Variants in PRKD1 observed in about 807,000 individuals in gnomAD.
PRKD1 encodes serine/threonine-protein kinase D1.
PRKD1 carries 63 observed loss-of-function variants against 95.9 expected under a neutral mutation model. The observed-to-expected ratio is 0.66, with a 90% confidence interval of 0.54 to 0.81. The LOEUF (loss-of-function observed/expected upper bound fraction) is 0.81, where lower values mean the gene tolerates loss of function less well. Among genes scored for constraint, PRKD1 ranks in the 30% least tolerant of loss-of-function variants. The pLI is 0.00. For missense variants in PRKD1, 1,048 were observed against 1,165.3 expected (o/e 0.90, Z 1.47); for synonymous variants, 425 against 423.1 (o/e 1.00, Z -0.05).
chr14:29,608,610 C>A (rs1187044573), intron 13 of PRKD1, among the ~76,000 whole-genome samples: 2 of 152,216 alleles, frequency 1.3e-5, no homozygotes, highest in Non-Finnish European at 2.9e-5. Context: ...ATATAACTTA[C>A]TTATGAAGAT....
chr14:29,834,054 T>G (rs1388482159), intron 1 of PRKD1, among the ~76,000 whole-genome samples: 1 of 152,146 alleles, frequency 6.6e-6, no homozygotes, highest in Non-Finnish European at 1.5e-5. Context: ...AAGAGACTTA[T>G]TCCTCCTTTA....
At chr14:29,742,969 A>G (rs1020486590) in intron 1 of PRKD1, among the ~76,000 whole-genome samples, 1 of 152,200 alleles carries the variant, frequency 6.6e-6, no homozygotes, top group Non-Finnish European at 1.5e-5. Flanking sequence ...CTTGAGTTTC[A>G]TGGGATTGTC....
chr14:29,882,204 T>C (rs1349774409), intron 1 of PRKD1, among the ~76,000 whole-genome samples: 2 of 152,250 alleles, frequency 1.3e-5, no homozygotes, highest in African/African-American at 2.4e-5. Flanking sequence ...GTGATTTCAG[T>C]ATATTAGTTA....
chr14:29,922,784 G>A (rs113583520), intron 1 of PRKD1, among the ~76,000 whole-genome samples: 1,533 of 152,260 alleles, frequency 0.01, 21 homozygotes, highest in African/African-American at 0.035. Flanking sequence ...CACTTGGGAC[G>A]CTGTGGCAGG....
At chr14:29,851,989 C>T (rs1451970562) in intron 1 of PRKD1, among the ~76,000 whole-genome samples, 1 of 152,106 alleles carries the variant, frequency 6.6e-6, no homozygotes, top group Non-Finnish European at 1.5e-5. Context: ...AACAGAAAAC[C>T]ACATACTTCA....
intron 13 of PRKD1, among the ~76,000 whole-genome samples, chr14:29,610,208 A>G (rs2139045849): frequency 6.6e-6 from 1 of 152,334 alleles, no homozygotes; most frequent in East Asian, 1.9e-4. Flanking sequence ...AAACCTATCA[A>G]GAAAATGAGA....
intron 13 of PRKD1, among the ~76,000 whole-genome samples, chr14:29,615,303 G>C: frequency 6.6e-6 from 1 of 152,018 alleles, no homozygotes; most frequent in East Asian, 1.9e-4. Flanking sequence ...CCATCCACTA[G>C]AAAAATTAAA....
At chr14:29,838,503 T>C (rs1891697818) in intron 1 of PRKD1, among the ~76,000 whole-genome samples, 1 of 152,010 alleles carries the variant, frequency 6.6e-6, no homozygotes, top group Non-Finnish European at 1.5e-5. Flanking sequence ...ATATAAGAGG[T>C]TTCCTTAGCT....
At chr14:29,617,626 T>C (rs897393886) in intron 13 of PRKD1, among the ~76,000 whole-genome samples, 2 of 152,230 alleles carry the variant, frequency 1.3e-5, no homozygotes, top group Non-Finnish European at 2.9e-5. Flanking sequence ...ATTAGAATTA[T>C]ATGTACACAT....
chr14:29,736,596 C>T (rs1167594304), intron 1 of PRKD1, among the ~76,000 whole-genome samples: 1 of 152,168 alleles, frequency 6.6e-6, no homozygotes, highest in African/African-American at 2.4e-5. Flanking sequence ...TTCTCAGAGG[C>T]TTTGTGGTCG....
intron 16 of PRKD1, among the ~76,000 whole-genome samples, chr14:29,587,786 A>G (rs1211152577): frequency 6.6e-6 from 1 of 152,228 alleles, no homozygotes; most frequent in Non-Finnish European, 1.5e-5. Context: ...CCTTTGGCTC[A>G]TAATTGGAAA....
chr14:29,688,150 T>C (rs1455524352), intron 2 of PRKD1, among the ~76,000 whole-genome samples: 2 of 152,186 alleles, frequency 1.3e-5, no homozygotes, highest in Admixed American at 1.3e-4. Flanking sequence ...CATTCCTCCT[T>C]GGAAGCCAAA....
intron 1 of PRKD1, among the ~76,000 whole-genome samples, chr14:29,800,533 A>C (rs1889984226): frequency 6.6e-6 from 1 of 152,192 alleles, no homozygotes; most frequent in Admixed American, 6.5e-5. Context: ...CAAATTCCTA[A>C]AATCACTACT....
intron 2 of PRKD1, among the ~76,000 whole-genome samples, chr14:29,692,210 A>ATTTT (rs71108493): frequency 1.3e-5 from 2 of 148,510 alleles, no homozygotes; most frequent in African/African-American, 4.9e-5. Context: ...CTTCCTGTTC[A>ATTTT]TTTTTTTTTT....
intron 16 of PRKD1, among the ~76,000 whole-genome samples, chr14:29,578,724 T>C (rs1158990263): frequency 6.6e-6 from 1 of 152,106 alleles, no homozygotes; most frequent in African/African-American, 2.4e-5. Flanking sequence ...AGGATAAAAC[T>C]AATATTCAAG....
At chr14:29,585,933 T>A (rs570428336) in intron 16 of PRKD1, among the ~76,000 whole-genome samples, 2 of 152,236 alleles carry the variant, frequency 1.3e-5, no homozygotes, top group African/African-American at 4.8e-5. Context: ...CAGCTACAGT[T>A]GAGCATGACT....
chr14:29,588,131 T>C (rs1372018179), intron 16 of PRKD1, among the ~76,000 whole-genome samples: 1 of 152,166 alleles, frequency 6.6e-6, no homozygotes, highest in East Asian at 1.9e-4. Context: ...AAAATGACAA[T>C]TGTCTTTCTT....
chr14:29,800,468 T>C (rs1449478156), intron 1 of PRKD1, among the ~76,000 whole-genome samples: 1 of 152,160 alleles, frequency 6.6e-6, no homozygotes, highest in Admixed American at 6.5e-5. Context: ...AAAAAAACTT[T>C]TATGGATTCA....
At chr14:29,626,775 C>T (rs564424788) in intron 11 of PRKD1, among the ~76,000 whole-genome samples, 21 of 142,316 alleles carry the variant, frequency 1.5e-4, no homozygotes, top group South Asian at 8.9e-4. Flanking sequence ...AGTGCAGTGG[C>T]GCAATCTTGG....
Sources: gnomAD v4.1 joint callset for allele counts (sites outside exome capture counted in the v4.1 genomes callset) on GRCh38, gnomAD v4.1.1 for gene constraint, MANE v1.5 for transcripts, NCBI Gene and HGNC (gene_info 2026-07-23, HGNC 2026-07-21) for gene names.